Variants in CERS6 observed in about 807,000 individuals in gnomAD.
The protein encoded by CERS6 is LAG1 homolog, ceramide synthase 6.
CERS6 carries 26 observed loss-of-function variants against 56.8 expected under a neutral mutation model. The ratio of observed to expected loss-of-function variants is 0.46; its 90% confidence interval spans 0.34 to 0.63. CERS6 has a LOEUF of 0.63. Among genes scored for constraint, CERS6 ranks in the 30% least tolerant of loss-of-function variants. CERS6 has a pLI of 0.01. For synonymous variants in CERS6, 164 were observed against 173.3 expected (o/e 0.95, Z 0.42); for missense variants, 415 against 467.5 (o/e 0.89, Z 1.04).
At chr2:168,493,882 C>T (rs115027647) in intron 1 of CERS6, among the ~76,000 whole-genome samples, 47 of 150,928 alleles carry the variant, frequency 3.1e-4, no homozygotes, top group African/African-American at 1.1e-3. Context: ...ACATATAATG[C>T]AAAAAGATGA....
At chr2:168,762,763 T>C (rs1336082504) in intron 8 of CERS6, among the ~76,000 whole-genome samples, 1 of 152,206 alleles carries the variant, frequency 6.6e-6, no homozygotes, top group Non-Finnish European at 1.5e-5. Flanking sequence ...AGACAACTAC[T>C]ATGGCAGGGT....
intron 5 of CERS6, among the ~76,000 whole-genome samples, chr2:168,694,428 T>C (rs1686587499): frequency 6.6e-6 from 1 of 152,192 alleles, no homozygotes; most frequent in African/African-American, 2.4e-5. Context: ...CTCTGATCTT[T>C]TAGTAAATAT....
At chr2:168,762,399 T>G (rs1477370018) in intron 8 of CERS6, among the ~76,000 whole-genome samples, 1 of 152,196 alleles carries the variant, frequency 6.6e-6, no homozygotes, top group East Asian at 1.9e-4. Context: ...TATACTGGCT[T>G]TCCGTGGTTT....
chr2:168,501,122 T>C (rs1251447611), intron 1 of CERS6, among the ~76,000 whole-genome samples: 1 of 152,176 alleles, frequency 6.6e-6, no homozygotes, highest in Non-Finnish European at 1.5e-5. Flanking sequence ...GCCAGAGTCT[T>C]ATGAAGGCAG....
intron 3 of CERS6, among the ~76,000 whole-genome samples, chr2:168,620,451 AAGT>A (rs1296565394): frequency 6.6e-6 from 1 of 152,164 alleles, no homozygotes; most frequent in Non-Finnish European, 1.5e-5. Flanking sequence ...AAAAGAAAAA[AAGT>A]AGAATGAGCC....
At chr2:168,682,978 T>C (rs901870790) in intron 4 of CERS6, among the ~76,000 whole-genome samples, 2 of 152,228 alleles carry the variant, frequency 1.3e-5, no homozygotes, top group African/African-American at 2.4e-5. Context: ...ATAAAAAGAA[T>C]TATAATGGAT....
chr2:168,670,935 C>G (rs1372748245), intron 4 of CERS6, among the ~76,000 whole-genome samples: 2 of 141,934 alleles, frequency 1.4e-5, no homozygotes, highest in African/African-American at 5.0e-5. Context: ...TGTAACGCTG[C>G]CTGGCACAGA....
intron 1 of CERS6, among the ~76,000 whole-genome samples, chr2:168,524,370 G>A (rs533868342): frequency 2.7e-4 from 41 of 152,270 alleles, no homozygotes; most frequent in South Asian, 1.9e-3. Flanking sequence ...TGCTATATAG[G>A]AAGAAATTAA....
intron 1 of CERS6, among the ~76,000 whole-genome samples, chr2:168,481,067 G>A (rs900387835): frequency 6.6e-6 from 1 of 152,166 alleles, no homozygotes; most frequent in East Asian, 1.9e-4. Flanking sequence ...GGCTTGACTC[G>A]CAGAGAGGCA....
intron 3 of CERS6, among the ~76,000 whole-genome samples, chr2:168,623,655 TAAAC>T (rs1425857404): frequency 6.6e-6 from 1 of 152,182 alleles, no homozygotes; most frequent in African/African-American, 2.4e-5. Context: ...CCAATCTACC[TAAAC>T]AAACAAAGGC....
chr2:168,660,671 C>A (rs997030562), intron 4 of CERS6, among the ~76,000 whole-genome samples: 2 of 151,502 alleles, frequency 1.3e-5, no homozygotes, highest in African/African-American at 4.8e-5. Flanking sequence ...ATAGCAGTGC[C>A]ATCATTATCT....
At chr2:168,629,509 T>C (rs1684663984) in intron 3 of CERS6, among the ~76,000 whole-genome samples, 1 of 152,198 alleles carries the variant, frequency 6.6e-6, no homozygotes, top group Non-Finnish European at 1.5e-5. Flanking sequence ...TCAAAGGATA[T>C]TAACAGATTT....
intron 3 of CERS6, among the ~76,000 whole-genome samples, chr2:168,615,538 T>C (rs1375548976): frequency 6.8e-6 from 1 of 147,622 alleles, no homozygotes; most frequent in Non-Finnish European, 1.5e-5. Context: ...ATAAAAACTT[T>C]AGGAAATACT....
chr2:168,574,314 A>T (rs1219908296), intron 3 of CERS6, among the ~76,000 whole-genome samples: 1 of 152,038 alleles, frequency 6.6e-6, no homozygotes, highest in South Asian at 2.1e-4. Context: ...CTCTTACTCC[A>T]TGACAGTAAG....
In CERS6 at chr2:168,663,940, C is replaced by T. The variant is rs566555335; in HGVS notation, c.466-27094C>T. On this transcript the variant is annotated intron_variant, in intron 4 of 9. Transcript: ENST00000305747. ...TTTTCAGTAATATGTCAGCAACTAA[C>T]ATCAATTCCCTTTTCTCCCAGCAAC... 2.0e-5 allele frequency among the ~76,000 whole-genome samples: 3 copies of T among 152,254 alleles called. No homozygotes were observed. In the South Asian group the frequency reaches 6.2e-4, roughly 32 times the overall value.
chr2:168,651,079 A>G (rs1348136558), intron 4 of CERS6, among the ~76,000 whole-genome samples: 1 of 152,220 alleles, frequency 6.6e-6, no homozygotes, highest in Non-Finnish European at 1.5e-5. Flanking sequence ...TGAGGCAAAC[A>G]GTAAATCTGT....
At chr2:168,758,706 C>T (rs577539618) in intron 8 of CERS6, among the ~76,000 whole-genome samples, 51 of 152,244 alleles carry the variant, frequency 3.3e-4, no homozygotes, top group African/African-American at 1.2e-3. Flanking sequence ...TTACATATTA[C>T]GGAGAATGGA....
At chr2:168,666,630 T>C (rs188050723) in intron 4 of CERS6, among the ~76,000 whole-genome samples, 6 of 152,368 alleles carry the variant, frequency 3.9e-5, no homozygotes, top group Non-Finnish European at 7.3e-5. Flanking sequence ...GGCGTGAGTC[T>C]TCAGTTCATT....
At chr2:168,510,102 A>C (rs533838344) in intron 1 of CERS6, among the ~76,000 whole-genome samples, 1 of 152,260 alleles carries the variant, frequency 6.6e-6, no homozygotes, top group Admixed American at 6.5e-5. Flanking sequence ...GTAAAAAAAA[A>C]AAAAACCAAG....
Sources: gnomAD v4.1 joint callset for allele counts (sites outside exome capture counted in the v4.1 genomes callset) on GRCh38, gnomAD v4.1.1 for gene constraint, MANE v1.5 for transcripts, NCBI Gene and HGNC (gene_info 2026-07-23, HGNC 2026-07-21) for gene names.